Variants in FIBP observed in about 807,000 individuals in gnomAD.
FIBP encodes FGF1 intracellular binding protein.
Under a neutral mutation model 40.5 loss-of-function variants are expected in FIBP, and 29 were observed. The ratio of observed to expected loss-of-function variants is 0.72; its 90% confidence interval spans 0.53 to 0.98. FIBP has a LOEUF of 0.98. Among genes scored for constraint, FIBP ranks in the 50% least tolerant of loss-of-function variants. The pLI, the probability that FIBP is intolerant of heterozygous loss-of-function variation, is 0.00. For missense variants in FIBP, 411 were observed against 470.2 expected (o/e 0.87, Z 1.16); for synonymous variants, 215 against 191.1 (o/e 1.13, Z -1.03).
intron 4 of FIBP, chr11:65,886,041 A>C (rs1591077473): frequency 4.3e-6 from 2 of 465,430 alleles, no homozygotes; most frequent in Non-Finnish European, 7.8e-6. Flanking sequence ...GCGGTGGCTC[A>C]AGCCTGTAAT....
chr11:65,887,682 T>C lies in FIBP; in HGVS notation c.329A>G (p.Lys110Arg), dbSNP rs1315366638. ...TTTCTTGGTGCCTTTGGACAGCTTC[T>C]TGCCCAGCACCTCCCGAACAAAGGC... ...DEAFVREVLG[K>R]KLSKGTKKDL... The change falls in exon 3 of 10, where the codon AAG becomes AGG. Residue 110 changes from lysine to arginine, a missense_variant. Coordinates refer to ENST00000357519, the MANE Select transcript of FIBP (RefSeq NM_004214.5). 2.5e-6 allele frequency: 4 copies of C among 1,614,074 alleles called. No individual in the cohort carries two copies. Among genetic ancestry groups the C allele is most frequent in the African/African-American group, 1.3e-5 (1 of 74,924 alleles).
intron 4 of FIBP, 88 bp downstream of exon 4, chr11:65,886,234 G>A (rs1860232785): frequency 1.4e-5 from 11 of 801,518 alleles, no homozygotes; most frequent in Non-Finnish European, 2.4e-5. Context: ...GCATACTCAG[G>A]AGGTCAGAAG....
At chr11:65,885,799 A>C (rs1193880326) in intron 4 of FIBP, 136 bp from the exon 5 acceptor site, 12 of 848,878 alleles carry the variant, frequency 1.4e-5, no homozygotes, top group Middle Eastern at 6.3e-4. Flanking sequence ...GTCTCAAGTC[A>C]CTTCTCTATG....
chr11:65,888,356 G>A lies in FIBP; in HGVS notation c.63C>T (p.Arg21=). 3.2e-6 allele frequency: 5 copies of A among 1,558,994 alleles called. No individual in the cohort carries two copies. Among genetic ancestry groups the A allele is most frequent in the Non-Finnish European group, 4.3e-6 (5 of 1,151,084 alleles). ...NTTLIDEDVY[R]LWLDGYSVTD... ...GACCCGAGTAACCATCGAGCCAGAG[G>A]CGATACACGTCCTCGTCGATAAGGG... Residue 21 remains arginine (R), a synonymous_variant, in exon 1 of 10, where the codon CGC becomes CGT. Transcript: ENST00000357519.
rs754502935 is a variant in FIBP, at chr11:65,887,272, C to G, written c.411+328G>C. 271 of 373,304 alleles carry G rather than the reference C, an allele frequency of 7.3e-4. 1 individual carries two copies. Among genetic ancestry groups the G allele is most frequent in the Non-Finnish European group, 9.6e-4 (186 of 193,640 alleles). 23.1% of individuals were successfully genotyped at this position (373,304 alleles called of 1,614,324 possible). A position where few individuals can be genotyped will look rare whatever the true frequency, so the allele number is the denominator to read the frequency against. On this transcript the variant is annotated intron_variant, in intron 3 of 9. Transcript: ENST00000357519. ...ACAAGCCTGGCCAACATGGTGAAAC[C>G]CTGTCTCTACTAACAATACAAAAAT...
At chr11:65,886,251 G>T in intron 4 of FIBP, 71 bp downstream of exon 4, 1 of 981,878 alleles carries the variant, frequency 1.0e-6, no homozygotes, top group Non-Finnish European at 1.6e-6. Context: ...GAAGGTTTGG[G>T]GTAGGGAAGG....
In FIBP at chr11:65,888,180, G is replaced by C. The variant is rs981217252; in HGVS notation, c.86-48C>G. 1.6e-5 allele frequency: 24 copies of C among 1,516,754 alleles called. No individual in the cohort carries two copies. In the African/African-American group the frequency reaches 3.2e-4, roughly 20 times the overall value. The allele number at this position is 1,516,754 out of a possible 1,614,324, so 94.0% of individuals were successfully genotyped here. ...AGGCCCCGCCCCGCCGACGCCAGAG[G>C]CCCTTAAGGGTTTCCATCCCAGACC... On this transcript the variant is annotated intron_variant, in intron 1 of 9. Transcript: ENST00000357519.
At chr11:65,886,276 G>C (rs1398066680) in intron 4 of FIBP, 46 bp downstream of exon 4, 1 of 1,363,146 alleles carries the variant, frequency 7.3e-7, no homozygotes, top group African/African-American at 1.4e-5. Context: ...CGAGCCTCCG[G>C]GCCCAGGAAG....
Position 65,887,718 on chromosome 11 carries a change from G to A in FIBP, c.293C>T (p.Ala98Val), listed in dbSNP as rs1350367562. The change falls in exon 3 of 10, where the codon GCC (alanine) becomes GTC (valine). Residue 98 changes from alanine (A) to valine (V), a missense_variant. Ala to Val is a moderately conservative substitution (Grantham distance 64). Coordinates refer to ENST00000357519, the MANE Select transcript of FIBP (RefSeq NM_004214.5). ...CTCCCGAACAAAGGCCTCATCAAAG[G>A]CATAGTACCTTGTGGAGTCAGAGAA... ...RQALLIERYY[A>V]FDEAFVREVL... The A allele has an allele frequency of 6.2e-7, 1 of 1,614,150 alleles. No homozygotes were observed.
chr11:65,886,062 C>G (rs1450902312), intron 4 of FIBP: 16 of 468,520 alleles, frequency 3.4e-5, no homozygotes, highest in Non-Finnish European at 3.1e-5. Context: ...CCCAGCTACT[C>G]GGGAGGCTGA....
rs1170217441 is a variant in FIBP, at chr11:65,888,424, C to A, written c.-6G>T. 2 of 1,559,594 alleles carry A rather than the reference C, an allele frequency of 1.3e-6. No homozygotes were observed. Among genetic ancestry groups the A allele is most frequent in the Admixed American group, 3.8e-5 (2 of 52,634 alleles). On this transcript the variant is annotated 5_prime_UTR_variant, in exon 1 of 10. Coordinates refer to ENST00000357519, the MANE Select transcript of FIBP (RefSeq NM_004214.5). Reference sequence around the variant, plus strand: ...ATGTCCAGCTCACTGGTCATGGCGACGCCCGGGGCCGCAGCGCCCCGAGCA... The same window carrying A: ...ATGTCCAGCTCACTGGTCATGGCGAAGCCCGGGGCCGCAGCGCCCCGAGCA...
In FIBP at chr11:65,887,842, T is replaced by A. The variant is rs537934040; in HGVS notation, c.284+92A>T. 1.3e-4 allele frequency: 199 copies of A among 1,586,096 alleles called. No individual in the cohort carries two copies. In the African/African-American group the frequency reaches 2.4e-3, roughly 19 times the overall value. ...CACTCTCAACTTTCTGATGGCTGGGTAAATCCCATCCCTCCCTGGGCCTGT... is the reference window on the plus strand; with the variant it reads ...CACTCTCAACTTTCTGATGGCTGGGAAAATCCCATCCCTCCCTGGGCCTGT... On this transcript the variant is annotated intron_variant, in intron 2 of 9. Transcript: ENST00000357519.
At chr11:65,886,695 A>T (rs1184666330) in intron 3 of FIBP, 2 of 359,146 alleles carry the variant, frequency 5.6e-6, no homozygotes, top group African/African-American at 4.2e-5. Flanking sequence ...CATGCTCTCC[A>T]GATCTTCACA....
At chr11:65,886,260 G>A (rs1013787017) in intron 4 of FIBP, 62 bp downstream of exon 4, 3 of 1,137,176 alleles carry the variant, frequency 2.6e-6, no homozygotes, top group African/African-American at 1.5e-5. Context: ...GGGTAGGGAA[G>A]GTGGACGAGC....
In FIBP at chr11:65,888,147, C is replaced by G; in HGVS notation, c.86-15G>C. The G allele has an allele frequency of 6.5e-7, 1 of 1,547,398 alleles. No individual in the cohort carries two copies. Among genetic ancestry groups the G allele is most frequent in the Non-Finnish European group, 8.7e-7 (1 of 1,148,742 alleles). On this transcript the variant is annotated splice_polypyrimidine_tract_variant and intron_variant, in intron 1 of 9. Transcript: ENST00000357519. ...CGCGTCGGTCACTGGAAAGCGGACG[C>G]TAGCATCAGGCCCCGCCCCGCCGAC...
chr11:65,888,291 C>T (rs1416084154), intron 1 of FIBP, 43 bp downstream of exon 1: 3 of 1,533,346 alleles, frequency 2.0e-6, no homozygotes, highest in African/African-American at 2.7e-5. Context: ...CCATTCAACA[C>T]AACCGCTCCG....
intron 7 of FIBP, 45 bp downstream of exon 7, chr11:65,884,890 G>C: frequency 1.3e-6 from 2 of 1,591,358 alleles, no homozygotes; most frequent in South Asian, 1.1e-5. Flanking sequence ...TGGCGAACTG[G>C]AGGCTGAAGA....
intron 1 of FIBP, 58 bp from the exon 2 acceptor site, chr11:65,888,190 G>A (rs984655611): frequency 2.6e-5 from 39 of 1,511,060 alleles, no homozygotes; most frequent in Admixed American, 8.1e-5. Context: ...GCCCTTAAGG[G>A]TTTCCATCCC....
chr11:65,887,170 G>A (rs1276024642), intron 3 of FIBP: 3 of 337,716 alleles, frequency 8.9e-6, no homozygotes, highest in Non-Finnish European at 1.2e-5. Flanking sequence ...CAGGGAGCCA[G>A]GCACGGTGGC....
Sources: gnomAD v4.1 joint callset for allele counts on GRCh38, gnomAD v4.1.1 for gene constraint, MANE v1.5 for transcripts, NCBI Gene and HGNC (gene_info 2026-07-23, HGNC 2026-07-21) for gene names.